ADAMTS20: variants seen among roughly 807,000 people sequenced by gnomAD.
ADAMTS20 encodes ADAM metallopeptidase with thrombospondin type 1 motif 20.
ADAMTS20 carries 225 observed loss-of-function variants against 260.1 expected under a neutral mutation model. The observed-to-expected ratio is 0.87, with a 90% CI of 0.78 to 0.97. The LOEUF (loss-of-function observed/expected upper bound fraction) is 0.97. ADAMTS20 is among the 50% of genes least tolerant of loss of function. The pLI is 0.00. For synonymous variants in ADAMTS20, 802 were observed against 769.5 expected, an observed-to-expected ratio of 1.04 and a Z score of -0.70; for missense variants, 2,400 against 2,337.7, an observed-to-expected ratio of 1.03 and a Z score of -0.55.
At chr12:43,447,311 A>G (rs1343071362) in intron 14 of ADAMTS20, among the ~76,000 whole-genome samples, 1 of 152,210 alleles carries the variant, frequency 6.6e-6, no homozygotes, top group Non-Finnish European at 1.5e-5. Context: ...AGTAGACTTC[A>G]TCCCCGGGGT....
At chr12:43,497,521 G>A (rs1240117878) in intron 4 of ADAMTS20, among the ~76,000 whole-genome samples, 2 of 152,052 alleles carry the variant, frequency 1.3e-5, no homozygotes, top group East Asian at 3.8e-4. Context: ...AATTGAAAAT[G>A]ATGAAATTCT....
intron 38 of ADAMTS20, among the ~76,000 whole-genome samples, chr12:43,355,752 A>G (rs960137904): frequency 3.9e-5 from 6 of 152,214 alleles, no homozygotes; most frequent in Non-Finnish European, 5.9e-5. Flanking sequence ...CATAAGTAAT[A>G]GAAAGCATTT....
At chr12:43,436,785 C>T (rs1052379025) in intron 18 of ADAMTS20, among the ~76,000 whole-genome samples, 26 of 152,168 alleles carry the variant, frequency 1.7e-4, no homozygotes, top group African/African-American at 5.8e-4. Context: ...CAATCTCCTG[C>T]TGGCACCATG....
At chr12:43,450,156 C>T (rs1421494647) in intron 14 of ADAMTS20, among the ~76,000 whole-genome samples, 2 of 152,094 alleles carry the variant, frequency 1.3e-5, no homozygotes, top group African/African-American at 4.8e-5. Flanking sequence ...TAATACCCAG[C>T]ATAACAGTGC....
intron 7 of ADAMTS20, among the ~76,000 whole-genome samples, chr12:43,469,905 A>G (rs1266142651): frequency 6.6e-6 from 1 of 152,194 alleles, no homozygotes; most frequent in African/African-American, 2.4e-5. Flanking sequence ...TTCATTAGCC[A>G]ATACTTTTTA....
At chr12:43,540,012 A>G (rs187255709) in intron 2 of ADAMTS20, among the ~76,000 whole-genome samples, 204 of 152,032 alleles carry the variant, frequency 1.3e-3, no homozygotes, top group African/African-American at 4.8e-3. Flanking sequence ...CCTCCCAAGT[A>G]GCTGGGACTA....
intron 31 of ADAMTS20, 71 bp from the exon 32 acceptor site, chr12:43,377,633 T>A: frequency 2.5e-5 from 29 of 1,174,262 alleles, no homozygotes; most frequent in Middle Eastern, 2.3e-4. Context: ...TGTCAGATGC[T>A]TAATATATAT....
chr12:43,550,913 C>G lies in ADAMTS20; in HGVS notation c.449G>C (p.Gly150Ala), dbSNP rs762006889. Residue 150 changes from glycine (G) to alanine (A), a missense_variant, in exon 2 of 39, where the codon GGC becomes GCC. Gly to Ala is a moderately conservative substitution (Grantham distance 60, BLOSUM62 0). Coordinates refer to ENST00000389420, the MANE Select transcript of ADAMTS20 (RefSeq NM_025003.5). ...DYKAVVSLCG[G>A]LTGTFKGQNG... ...AAGGGACCCGAGGACACTCACCAGGCCTCCGCATAAGCTGACGACGGCCTT... is the reference window on the plus strand; with the variant it reads ...AAGGGACCCGAGGACACTCACCAGGGCTCCGCATAAGCTGACGACGGCCTT... The G allele has an allele frequency of 1.3e-6, 2 of 1,553,708 alleles. No homozygotes were observed. Among genetic ancestry groups the G allele is most frequent in the Non-Finnish European group, 1.7e-6 (2 of 1,146,962 alleles).
At chr12:43,471,075 C>T (rs113752653) in intron 7 of ADAMTS20, among the ~76,000 whole-genome samples, 3,378 of 152,170 alleles carry the variant, frequency 0.022, 46 homozygotes, top group Non-Finnish European at 0.032. Flanking sequence ...TCTGAGGTAC[C>T]GGGTTCATCT....
In ADAMTS20 at chr12:43,425,704, T is replaced by C. The variant is rs768824652; in HGVS notation, c.4108-14A>G. 21 of 1,554,058 alleles carry C rather than the reference T, an allele frequency of 1.4e-5. No homozygotes were observed. The highest frequency in any genetic ancestry group is 3.7e-5 in the Admixed American group (2 of 54,378). On this transcript the variant is annotated splice_polypyrimidine_tract_variant and intron_variant, in intron 27 of 38. Coordinates refer to ENST00000389420, the MANE Select transcript of ADAMTS20 (RefSeq NM_025003.5). ...TGTTTGTGAACACTAAAAACAAGAA[T>C]AGGAAAATTCAAAACTGTGGTTTTA... is the stretch of plus-strand genomic sequence containing the variant.
intron 31 of ADAMTS20, 62 bp downstream of exon 31, chr12:43,383,496 A>G: frequency 6.7e-7 from 1 of 1,503,546 alleles, no homozygotes. Context: ...AGCTGTGTCA[A>G]ATTGTAGATC....
At chr12:43,414,851 T>C (rs902757394) in intron 28 of ADAMTS20, among the ~76,000 whole-genome samples, 2 of 151,964 alleles carry the variant, frequency 1.3e-5, no homozygotes, top group African/African-American at 4.8e-5. Flanking sequence ...TGGATATACA[T>C]GTTCACCGAA....
At chr12:43,358,371 T>A (rs1939789385) in intron 37 of ADAMTS20, among the ~76,000 whole-genome samples, 1 of 152,040 alleles carries the variant, frequency 6.6e-6, no homozygotes, top group Non-Finnish European at 1.5e-5. Flanking sequence ...AAATATGATC[T>A]CAAAAAAAAT....
intron 7 of ADAMTS20, among the ~76,000 whole-genome samples, chr12:43,472,758 A>T (rs886774402): frequency 1.3e-5 from 2 of 151,618 alleles, no homozygotes; most frequent in Non-Finnish European, 2.9e-5. Context: ...TGAAGGAGAA[A>T]TAAAATACTT....
chr12:43,511,981 G>T (rs554462353), intron 3 of ADAMTS20, among the ~76,000 whole-genome samples: 1 of 152,024 alleles, frequency 6.6e-6, no homozygotes, highest in South Asian at 2.1e-4. Flanking sequence ...GATTTAAATT[G>T]TTTTCTGGAT....
intron 13 of ADAMTS20, 45 bp from the exon 14 acceptor site, chr12:43,452,455 G>A: frequency 6.2e-7 from 1 of 1,607,218 alleles, no homozygotes; most frequent in Non-Finnish European, 8.5e-7. Context: ...TAATAATAAA[G>A]CTATGTGTTC....
rs887958433 is a variant in ADAMTS20, at chr12:43,514,019, C to G, written c.614-11614G>C. Among the ~76,000 whole-genome samples, 3 of 146,200 alleles carry G rather than the reference C, an allele frequency of 2.1e-5. No individual in the cohort carries two copies. The Admixed American group carries it at 2.1e-4, about 10-fold the overall frequency. On this transcript the variant is annotated intron_variant, in intron 3 of 38. Transcript: ENST00000389420. ...GGCACATGTATACATATGTAACTAA[C>G]CTGCAGGTTGTGCACAGGTACCCTA... is the stretch of plus-strand genomic sequence containing the variant.
At chr12:43,422,118 C>T (rs1441078937) in intron 28 of ADAMTS20, among the ~76,000 whole-genome samples, 2 of 152,124 alleles carry the variant, frequency 1.3e-5, no homozygotes, top group East Asian at 3.9e-4. Context: ...ATTAAATTAA[C>T]ATAGGCTAAG....
chr12:43,358,791 C>A (rs534038347), intron 37 of ADAMTS20, among the ~76,000 whole-genome samples: 1 of 143,170 alleles, frequency 7.0e-6, no homozygotes, highest in Non-Finnish European at 1.5e-5. Flanking sequence ...GAGTCGAGAT[C>A]GCGCCACTGC....
Sources: allele counts gnomAD v4.1 joint callset (sites outside exome capture counted in the v4.1 genomes callset), GRCh38; gene constraint gnomAD v4.1.1; transcripts MANE v1.5; gene names NCBI Gene and HGNC (gene_info 2026-07-23, HGNC 2026-07-21).